Variants in PTTG1IP2 observed in about 807,000 individuals in gnomAD.
PTTG1IP2 encodes the protein PTTG1IP family member 2.
intron 6 of PTTG1IP2, among the ~76,000 whole-genome samples, chr7:90,497,715 TA>T (rs1261744146): frequency 2.1e-4 from 12 of 56,314 alleles, no homozygotes; most frequent in South Asian, 1.2e-3. Flanking sequence ...AGACCCTGTA[TA>T]AAAAAAAAAA....
chr7:90,495,167 T>C (rs1390176022), intron 6 of PTTG1IP2, among the ~76,000 whole-genome samples: 1 of 152,238 alleles, frequency 6.6e-6, no homozygotes, highest in Non-Finnish European at 1.5e-5. Context: ...TAGTTCCTAA[T>C]TTGTTAATAT....
intron 1 of PTTG1IP2, among the ~76,000 whole-genome samples, chr7:90,476,004 A>G (rs1392979615): frequency 2.0e-5 from 3 of 152,126 alleles, no homozygotes; most frequent in Non-Finnish European, 4.4e-5. Flanking sequence ...TGGTGTCGAA[A>G]CTAGAACATA....
chr7:90,502,989 T>A (rs1798076720), intron 6 of PTTG1IP2, among the ~76,000 whole-genome samples: 1 of 152,234 alleles, frequency 6.6e-6, no homozygotes, highest in Admixed American at 6.5e-5. Context: ...CTGGATGGCA[T>A]CTTTTTCCAA....
intron 6 of PTTG1IP2, among the ~76,000 whole-genome samples, chr7:90,508,833 G>T (rs951373115): frequency 6.6e-6 from 1 of 152,206 alleles, no homozygotes; most frequent in Non-Finnish European, 1.5e-5. Flanking sequence ...ACGTAGCGTG[G>T]TGAATGGTAT....
At chr7:90,482,683 A>C (rs571722373) in intron 2 of PTTG1IP2, among the ~76,000 whole-genome samples, 2 of 152,188 alleles carry the variant, frequency 1.3e-5, no homozygotes, top group East Asian at 1.9e-4. Flanking sequence ...CCTTGGAACG[A>C]AAGTTCTCAA....
chr7:90,484,836 C>G (rs1282294995), intron 2 of PTTG1IP2, among the ~76,000 whole-genome samples: 1 of 152,192 alleles, frequency 6.6e-6, no homozygotes, highest in African/African-American at 2.4e-5. Context: ...TTTCTTTCAT[C>G]TCTCAGCTCT....
At chr7:90,491,523 C>A (rs1224109907) in intron 4 of PTTG1IP2, among the ~76,000 whole-genome samples, 1 of 151,232 alleles carries the variant, frequency 6.6e-6, no homozygotes, top group Non-Finnish European at 1.5e-5. Context: ...CTCAGGAGGC[C>A]AAGGCAGGAG....
chr7:90,489,126 GAA>G (rs773234003), intron 4 of PTTG1IP2, among the ~76,000 whole-genome samples, 162 bp downstream of exon 4: 2 of 138,098 alleles, frequency 1.4e-5, no homozygotes, highest in Non-Finnish European at 3.2e-5. Context: ...ATTGTAAAAT[GAA>G]AAAAAAAAAA....
intron 1 of PTTG1IP2, among the ~76,000 whole-genome samples, chr7:90,477,412 C>T (rs1389819957): frequency 6.6e-6 from 1 of 152,184 alleles, no homozygotes; most frequent in Admixed American, 6.5e-5. Flanking sequence ...TAAACCTCAA[C>T]CATGGAACCA....
chr7:90,503,214 C>T (rs1391630484), intron 6 of PTTG1IP2, among the ~76,000 whole-genome samples: 2 of 152,188 alleles, frequency 1.3e-5, no homozygotes, highest in African/African-American at 4.8e-5. Context: ...GCTTCCTTAC[C>T]TCTCTCAGCC....
intron 6 of PTTG1IP2, among the ~76,000 whole-genome samples, chr7:90,506,234 T>A (rs1798123503): frequency 6.6e-6 from 1 of 152,112 alleles, no homozygotes; most frequent in African/African-American, 2.4e-5. Flanking sequence ...CTATTTTCAC[T>A]TGCACTTTTT....
intron 3 of PTTG1IP2, among the ~76,000 whole-genome samples, chr7:90,488,009 A>G (rs1219852016): frequency 6.6e-6 from 1 of 152,154 alleles, no homozygotes; most frequent in Non-Finnish European, 1.5e-5. Flanking sequence ...ATTAATCATC[A>G]AAGAATCTTT....
At chr7:90,475,297 C>G (rs891111692) in intron 1 of PTTG1IP2, among the ~76,000 whole-genome samples, 1 of 152,106 alleles carries the variant, frequency 6.6e-6, no homozygotes, top group African/African-American at 2.4e-5. Context: ...AGTGCAGGGT[C>G]AGAGGATAAT....
chr7:90,473,731 C>T (rs1003610762), intron 1 of PTTG1IP2, among the ~76,000 whole-genome samples: 5 of 152,140 alleles, frequency 3.3e-5, no homozygotes, highest in Admixed American at 2.0e-4. Context: ...TACTTAGCTG[C>T]GCCTCTCTGA....
chr7:90,486,660 A>G (rs17865480), intron 2 of PTTG1IP2, among the ~76,000 whole-genome samples: 4,538 of 152,200 alleles, frequency 0.03, 231 homozygotes, highest in African/African-American at 0.1. Flanking sequence ...GCCATGTGTA[A>G]CAGAGGAGCA....
chr7:90,512,798 T>G (rs190344545), intron 6 of PTTG1IP2, among the ~76,000 whole-genome samples: 1 of 152,340 alleles, frequency 6.6e-6, no homozygotes, highest in Admixed American at 6.5e-5. Context: ...ACGATATTAT[T>G]CTACAGAACA....
At chr7:90,472,083 T>A (rs1052683457) in intron 1 of PTTG1IP2, among the ~76,000 whole-genome samples, 7 of 151,936 alleles carry the variant, frequency 4.6e-5, no homozygotes, top group African/African-American at 1.7e-4. Context: ...GAACATAAAA[T>A]GCCATAAAAC....
At chr7:90,503,518 T>C (rs910839342) in intron 6 of PTTG1IP2, among the ~76,000 whole-genome samples, 8 of 152,230 alleles carry the variant, frequency 5.3e-5, no homozygotes, top group Non-Finnish European at 1.5e-5. Context: ...TAGCTTTTGA[T>C]TGAAAGTGAG....
chr7:90,506,496 C>T (rs1489065759), intron 6 of PTTG1IP2, among the ~76,000 whole-genome samples: 2 of 152,154 alleles, frequency 1.3e-5, no homozygotes, highest in African/African-American at 4.8e-5. Context: ...GGCTTGGGGA[C>T]TCACACCTGT....
Sources: gnomAD v4.1 joint callset for allele counts (sites outside exome capture counted in the v4.1 genomes callset) on GRCh38, gnomAD v4.1.1 for gene constraint, MANE v1.5 for transcripts, NCBI Gene and HGNC (gene_info 2026-07-23, HGNC 2026-07-21) for gene names.